The following JARID2 variants were observed in gnomAD, a reference collection of about 807,000 sequenced individuals.
The protein encoded by JARID2 is jumonji and AT-rich interaction domain containing 2, also known as protein Jumonji.
JARID2 carries 21 observed loss-of-function variants against 125.6 expected under a neutral mutation model. The observed-to-expected ratio is 0.17, with a 90% CI of 0.12 to 0.24. JARID2 has a LOEUF of 0.24. Ranked by LOEUF, JARID2 falls within the 10% of genes least tolerant of loss-of-function variation. JARID2 has a pLI of 1.00. For missense variants in JARID2, 1,303 were observed against 1,639.6 expected, an observed-to-expected ratio of 0.79 and a Z score of 3.55; for synonymous variants, 736 against 661.6, an observed-to-expected ratio of 1.11 and a Z score of -1.73.
At chr6:15,453,131 T>G (rs1017703431) in intron 4 of JARID2, among the ~76,000 whole-genome samples, 81 of 152,240 alleles carry the variant, frequency 5.3e-4, no homozygotes, top group African/African-American at 1.9e-3. Context: ...CTGTCAAAGT[T>G]AAGAAGTTCA....
At chr6:15,341,655 C>T (rs1214161172) in intron 1 of JARID2, among the ~76,000 whole-genome samples, 1 of 152,006 alleles carries the variant, frequency 6.6e-6, no homozygotes, top group African/African-American at 2.4e-5. Context: ...TGAAGAGGTG[C>T]CAAGTAAGTT....
intron 1 of JARID2, among the ~76,000 whole-genome samples, chr6:15,255,483 T>C (rs1759629114): frequency 1.3e-5 from 2 of 152,178 alleles, no homozygotes; most frequent in Non-Finnish European, 2.9e-5. Flanking sequence ...GTGACTCTTG[T>C]CTACCTGGAG....
chr6:15,354,569 T>C (rs1417040023), intron 1 of JARID2, among the ~76,000 whole-genome samples: 1 of 152,204 alleles, frequency 6.6e-6, no homozygotes, highest in Non-Finnish European at 1.5e-5. Flanking sequence ...AAACTTTCAG[T>C]GTATTATATA....
rs535503797 is a variant in JARID2, at chr6:15,516,637, C to T, written c.3451-524C>T. On this transcript the variant is annotated intron_variant, in intron 16 of 17. Coordinates refer to ENST00000341776, the MANE Select transcript of JARID2 (RefSeq NM_004973.4). Reference sequence around the variant, plus strand: ...CGTTGGACGCCGCTTGCTCTGTTGACTGTGAGCCACTCATGGACCACCATG... The same window carrying T: ...CGTTGGACGCCGCTTGCTCTGTTGATTGTGAGCCACTCATGGACCACCATG... 1.4e-3 allele frequency among the ~76,000 whole-genome samples: 219 copies of T among 152,346 alleles called. 2 individuals are homozygous for T. The highest frequency in any genetic ancestry group is 5.1e-3 in the African/African-American group (211 of 41,588).
chr6:15,397,881 T>C (rs956300208), intron 2 of JARID2, among the ~76,000 whole-genome samples: 1 of 152,178 alleles, frequency 6.6e-6, no homozygotes, highest in Admixed American at 6.5e-5. Context: ...AGCAATAAAC[T>C]AGAAGCGCCT....
At chr6:15,438,834 C>T (rs1767325236) in intron 3 of JARID2, among the ~76,000 whole-genome samples, 1 of 152,110 alleles carries the variant, frequency 6.6e-6, no homozygotes, top group African/African-American at 2.4e-5. Flanking sequence ...TAAGAGACCA[C>T]CAGCCTGGGT....
chr6:15,393,033 C>T (rs1250839025), intron 2 of JARID2, among the ~76,000 whole-genome samples: 1 of 152,118 alleles, frequency 6.6e-6, no homozygotes, highest in Non-Finnish European at 1.5e-5. Context: ...ATTAAAAAGC[C>T]ATGCGTGGAT....
At chr6:15,413,008 G>GTTTTTGTTTTTT (rs1765958811) in intron 3 of JARID2, among the ~76,000 whole-genome samples, 15 of 47,472 alleles carry the variant, frequency 3.2e-4, no homozygotes, top group Non-Finnish European at 4.4e-4. Context: ...TTGTGTTTTT[G>GTTTTTGTTTTTT]TTTTTTTTTT....
chr6:15,387,794 G>T (rs539917634), intron 2 of JARID2, among the ~76,000 whole-genome samples: 1 of 152,292 alleles, frequency 6.6e-6, no homozygotes, highest in South Asian at 2.1e-4. Context: ...TTTGACAGGG[G>T]GATGGCAGTT....
chr6:15,320,852 C>CTCTGTGTG (rs541608020), intron 1 of JARID2, among the ~76,000 whole-genome samples: 40 of 145,410 alleles, frequency 2.8e-4, no homozygotes, highest in South Asian at 1.3e-3. Context: ...CTCTCTCTCT[C>CTCTGTGTG]TGTGTGTGTG....
At position 15,246,228 on chromosome 6, in the gene JARID2, A is replaced by G; in HGVS notation, c.-312A>G. 1 of 459,014 alleles carries G rather than the reference A, an allele frequency of 2.2e-6. No individual in the cohort carries two copies. The highest frequency in any genetic ancestry group is 4.4e-5 in the South Asian group (1 of 22,656). The allele number at this position is 459,014 out of a possible 1,614,324, so 28.4% of individuals were successfully genotyped here. ...AGTTTTTGGAGGAAAAAGGGGGGGGAGTGAAGGGCGTCGGTTTTTTTTTGT... is the reference window on the plus strand; with the variant it reads ...AGTTTTTGGAGGAAAAAGGGGGGGGGGTGAAGGGCGTCGGTTTTTTTTTGT... On this transcript the variant is annotated 5_prime_UTR_variant, in exon 1 of 18. Coordinates refer to ENST00000341776, the MANE Select transcript of JARID2 (RefSeq NM_004973.4).
intron 3 of JARID2, among the ~76,000 whole-genome samples, chr6:15,424,418 GATTAGAA>G (rs1766633900): frequency 6.6e-6 from 1 of 152,058 alleles, no homozygotes; most frequent in Non-Finnish European, 1.5e-5. Flanking sequence ...TTAACCCTTT[GATTAGAA>G]ATTAGGAGAA....
chr6:15,432,983 G>C (rs1400416839), intron 3 of JARID2, among the ~76,000 whole-genome samples: 1 of 152,202 alleles, frequency 6.6e-6, no homozygotes, highest in Non-Finnish European at 1.5e-5. Flanking sequence ...CCTGCCCTGA[G>C]GGTTTTTGAT....
At chr6:15,283,402 G>A (rs1255781431) in intron 1 of JARID2, among the ~76,000 whole-genome samples, 2 of 144,668 alleles carry the variant, frequency 1.4e-5, no homozygotes, top group African/African-American at 2.6e-5. Flanking sequence ...GCACAATAGC[G>A]TGATCGCGGC....
chr6:15,291,675 G>T (rs1295962662), intron 1 of JARID2, among the ~76,000 whole-genome samples: 1 of 152,168 alleles, frequency 6.6e-6, no homozygotes, highest in Non-Finnish European at 1.5e-5. Flanking sequence ...CTCTTGCACG[G>T]TGCCTACATG....
At chr6:15,352,769 C>T (rs1763473055) in intron 1 of JARID2, among the ~76,000 whole-genome samples, 1 of 152,106 alleles carries the variant, frequency 6.6e-6, no homozygotes, top group South Asian at 2.1e-4. Context: ...GACTGTAAGT[C>T]TAAATTCACT....
chr6:15,483,263 A>G (rs1230271822), intron 5 of JARID2, among the ~76,000 whole-genome samples: 1 of 152,188 alleles, frequency 6.6e-6, no homozygotes, highest in Admixed American at 6.5e-5. Context: ...ATTTCTGTAT[A>G]TAGGAGAAGT....
intron 3 of JARID2, among the ~76,000 whole-genome samples, chr6:15,447,287 G>A (rs1767715292): frequency 6.6e-6 from 1 of 152,100 alleles, no homozygotes; most frequent in Non-Finnish European, 1.5e-5. Context: ...TTGCTGGAGG[G>A]CTTGATTTAA....
At chr6:15,340,428 C>G (rs900875751) in intron 1 of JARID2, among the ~76,000 whole-genome samples, 3 of 152,172 alleles carry the variant, frequency 2.0e-5, no homozygotes, top group Non-Finnish European at 4.4e-5. Context: ...GTGGATTTTA[C>G]TACCTGGGAG....
Sources: gnomAD v4.1 joint callset for allele counts (sites outside exome capture counted in the v4.1 genomes callset) on GRCh38, gnomAD v4.1.1 for gene constraint, MANE v1.5 for transcripts, NCBI Gene and HGNC (gene_info 2026-07-23, HGNC 2026-07-21) for gene names.